The following AAMDC variants were observed in gnomAD, a reference collection of about 807,000 sequenced individuals.
The protein encoded by AAMDC is adipogenesis associated Mth938 domain containing.
Under a neutral mutation model 15.5 loss-of-function variants are expected in AAMDC, and 16 were observed. The ratio of observed to expected loss-of-function variants is 1.03; its 90% CI spans 0.70 to 1.57. AAMDC has a LOEUF of 1.57. Ranked by LOEUF, AAMDC falls within the 40% of genes most tolerant of loss-of-function variation. The probability of loss-of-function intolerance (pLI) is 0.00; values close to 1 mark genes in which losing one functional copy is unlikely to be tolerated. For synonymous variants in AAMDC, 51 were observed against 51.6 expected, an observed-to-expected ratio of 0.99 and a Z score of 0.05; for missense variants, 141 against 144.9, an observed-to-expected ratio of 0.97 and a Z score of 0.14.
downstream of AAMDC, among the ~76,000 whole-genome samples, chr11:77,905,450 C>T (rs562533114): frequency 7.3e-5 from 11 of 150,846 alleles, no homozygotes; most frequent in Admixed American, 3.3e-4. Flanking sequence ...TAAGCTGAGA[C>T]TCTGTCTCAA....
downstream of AAMDC, among the ~76,000 whole-genome samples, chr11:77,904,997 G>A (rs1952899868): frequency 6.6e-6 from 1 of 152,184 alleles, no homozygotes; most frequent in South Asian, 2.1e-4. Context: ...AGGAATATCA[G>A]AAACCTGGTA....
chr11:77,863,156 G>A (rs979102249), intron 2 of AAMDC, among the ~76,000 whole-genome samples: 4 of 152,130 alleles, frequency 2.6e-5, no homozygotes, highest in East Asian at 1.9e-4. Flanking sequence ...CGTGGGTCAC[G>A]GAAGAGAACC....
intron 1 of AAMDC, chr11:77,830,268 C>T (rs1949360450): frequency 6.6e-6 from 1 of 152,210 alleles, no homozygotes; most frequent in Non-Finnish European, 1.5e-5. Context: ...ACTAAGCATT[C>T]CGCTGGAGGC....
chr11:77,889,146 C>A (rs988909306), intron 5 of AAMDC, among the ~76,000 whole-genome samples: 6 of 152,138 alleles, frequency 3.9e-5, no homozygotes, highest in African/African-American at 1.4e-4. Context: ...TGCGGCACCA[C>A]TCACAATAGC....
At chr11:77,863,076 G>A (rs2136262321) in intron 2 of AAMDC, among the ~76,000 whole-genome samples, 1 of 152,262 alleles carries the variant, frequency 6.6e-6, no homozygotes, top group South Asian at 2.1e-4. Context: ...GACCAAGGGT[G>A]CTTGGCCTCA....
intron 2 of AAMDC, among the ~76,000 whole-genome samples, chr11:77,848,889 G>A (rs1372871282): frequency 7.9e-5 from 12 of 152,112 alleles, no homozygotes; most frequent in Non-Finnish European, 7.3e-5. Flanking sequence ...AGATTCAAGC[G>A]ATCCTCCAGC....
intron 5 of AAMDC, chr11:77,891,592 G>A (rs938247940): frequency 6.3e-7 from 1 of 1,577,040 alleles, no homozygotes; most frequent in Non-Finnish European, 8.6e-7. Context: ...GCCTAGCCCA[G>A]CTGCTCCACT....
rs926144357 is a variant in AAMDC at position 77,832,728 on chromosome 11, G to T, written c.-18-9751G>T. ...AAAAAAAAAGTCCTCCTACTCCCCAGTTTTCCCCATATTTGCCTGCTGAAA... is the reference window on the plus strand; with the variant it reads ...AAAAAAAAAGTCCTCCTACTCCCCATTTTTCCCCATATTTGCCTGCTGAAA... On this transcript the variant is annotated intron_variant, in intron 1 of 3. Coordinates refer to ENST00000393427, the MANE Select transcript of AAMDC (RefSeq NM_024684.4). Among the ~76,000 whole-genome samples, 7 of 150,622 alleles carry T rather than the reference G, an allele frequency of 4.6e-5. No homozygotes were observed. In the Admixed American group the frequency reaches 4.6e-4, roughly 10 times the overall value.
At chr11:77,904,310 G>A (rs1479209944), downstream of AAMDC, among the ~76,000 whole-genome samples, 2 of 152,094 alleles carry the variant, frequency 1.3e-5, no homozygotes, top group Non-Finnish European at 2.9e-5. Context: ...AATATAACAT[G>A]AGCTATATAT....
intron 2 of AAMDC, among the ~76,000 whole-genome samples, chr11:77,865,966 A>C (rs1951090171): frequency 6.6e-6 from 1 of 152,232 alleles, no homozygotes; most frequent in Non-Finnish European, 1.5e-5. Context: ...AATTCAGACA[A>C]GCAATAATGA....
chr11:77,835,402 G>A (rs930368543), intron 1 of AAMDC, among the ~76,000 whole-genome samples: 12 of 152,034 alleles, frequency 7.9e-5, no homozygotes, highest in East Asian at 1.9e-4. Flanking sequence ...TATACCTGCC[G>A]TATGTTGACT....
chr11:77,867,018 T>G (rs1951147639), intron 2 of AAMDC, among the ~76,000 whole-genome samples: 1 of 152,080 alleles, frequency 6.6e-6, no homozygotes, highest in Non-Finnish European at 1.5e-5. Context: ...TTTTTGTATT[T>G]TTAGTAGAGA....
intron 2 of AAMDC, among the ~76,000 whole-genome samples, chr11:77,860,792 G>A (rs1373904947): frequency 1.3e-5 from 2 of 152,174 alleles, no homozygotes; most frequent in Non-Finnish European, 2.9e-5. Flanking sequence ...TTAAGGTCCA[G>A]GACTGTAAAC....
chr11:77,852,139 C>T (rs531246365), intron 2 of AAMDC, among the ~76,000 whole-genome samples: 20 of 138,824 alleles, frequency 1.4e-4, no homozygotes, highest in Non-Finnish European at 2.4e-4. Flanking sequence ...GGACGAGGGA[C>T]GAGATGGGAG....
At chr11:77,862,329 A>T (rs543662620) in intron 2 of AAMDC, among the ~76,000 whole-genome samples, 6 of 152,234 alleles carry the variant, frequency 3.9e-5, no homozygotes, top group African/African-American at 9.6e-5. Flanking sequence ...CAGTAACATT[A>T]TATCTCCATG....
chr11:77,830,987 C>CAAAAAAAAAAAAAAA (rs59283485), intron 1 of AAMDC, among the ~76,000 whole-genome samples: 5 of 100,514 alleles, frequency 5.0e-5, no homozygotes, highest in Non-Finnish European at 8.1e-5. Flanking sequence ...CAAAATATAC[C>CAAAAAAAAAAAAAAA]AAAAAAAAAA....
intron 2 of AAMDC, among the ~76,000 whole-genome samples, chr11:77,863,025 G>A (rs116905078): frequency 1.3e-5 from 2 of 152,220 alleles, no homozygotes; most frequent in Middle Eastern, 3.4e-3. Flanking sequence ...CTAATGTGGT[G>A]GTGGGCCGCT....
intron 2 of AAMDC, among the ~76,000 whole-genome samples, chr11:77,852,487 CAA>C (rs1171348517): frequency 1.3e-5 from 2 of 152,150 alleles, no homozygotes; most frequent in African/African-American, 4.8e-5. Flanking sequence ...ACCAGAACAG[CAA>C]GAGAGATATC....
intron 1 of AAMDC, among the ~76,000 whole-genome samples, chr11:77,836,901 G>T (rs1022477928): frequency 6.6e-6 from 1 of 152,100 alleles, no homozygotes; most frequent in Non-Finnish European, 1.5e-5. Context: ...GGAGGCGGAG[G>T]TTGCGGTGAG....
Sources: gnomAD v4.1 joint callset for allele counts (sites outside exome capture counted in the v4.1 genomes callset) on GRCh38, gnomAD v4.1.1 for gene constraint, MANE v1.5 for transcripts, NCBI Gene and HGNC (gene_info 2026-07-23, HGNC 2026-07-21) for gene names.